TRABD2B: variants seen among roughly 807,000 people sequenced by gnomAD.
TRABD2B encodes the protein metalloprotease TIKI2.
Under a neutral mutation model 40.1 loss-of-function variants are expected in TRABD2B, and 14 were observed. The ratio of observed to expected loss-of-function variants is 0.35; its 90% CI spans 0.23 to 0.55. The LOEUF is 0.55. Ranked by LOEUF, TRABD2B falls within the 20% of genes least tolerant of loss-of-function variation. The pLI is 0.90. For missense variants in TRABD2B, 541 were observed against 648.6 expected, an observed-to-expected ratio of 0.83 and a Z score of 1.80; for synonymous variants, 263 against 277.0, an observed-to-expected ratio of 0.95 and a Z score of 0.50.
At chr1:47,976,487 T>C (rs982575146) in intron 2 of TRABD2B, among the ~76,000 whole-genome samples, 15 of 152,172 alleles carry the variant, frequency 9.9e-5, no homozygotes, top group African/African-American at 3.4e-4. Flanking sequence ...GTGCTAGACA[T>C]AGTAGGTGCT....
At chr1:47,895,519 C>T (rs117095691) in intron 2 of TRABD2B, among the ~76,000 whole-genome samples, 1 of 152,276 alleles carries the variant, frequency 6.6e-6, no homozygotes, top group East Asian at 1.9e-4. Flanking sequence ...GGTCAGGTTG[C>T]CCTCAGGTCT....
intron 2 of TRABD2B, among the ~76,000 whole-genome samples, chr1:47,824,568 T>C (rs1645151052): frequency 6.6e-6 from 1 of 152,204 alleles, no homozygotes; most frequent in African/African-American, 2.4e-5. Flanking sequence ...CAAACCCATG[T>C]CTGCCTGACT....
intron 5 of TRABD2B, among the ~76,000 whole-genome samples, chr1:47,776,293 G>A (rs1557557718): frequency 6.6e-6 from 1 of 152,186 alleles, no homozygotes; most frequent in East Asian, 1.9e-4. Context: ...TGGGTCCACA[G>A]CCCGGCTCCA....
chr1:47,904,002 C>A (rs1199521158), intron 2 of TRABD2B, among the ~76,000 whole-genome samples: 1 of 152,142 alleles, frequency 6.6e-6, no homozygotes, highest in Non-Finnish European at 1.5e-5. Context: ...TTGGGCCAGG[C>A]CCTATGTGAT....
At chr1:47,968,874 G>A (rs1033246902) in intron 2 of TRABD2B, among the ~76,000 whole-genome samples, 7 of 152,292 alleles carry the variant, frequency 4.6e-5, no homozygotes, top group African/African-American at 1.4e-4. Context: ...TTGGGGTTGC[G>A]ATTTCAGTAC....
chr1:47,990,767 G>A (rs1291116502), intron 2 of TRABD2B, among the ~76,000 whole-genome samples: 1 of 66,640 alleles, frequency 1.5e-5, no homozygotes, highest in Non-Finnish European at 2.8e-5. Flanking sequence ...TTAAAACGTT[G>A]GTTTTATATA....
chr1:47,952,925 C>A (rs560263219), intron 2 of TRABD2B, among the ~76,000 whole-genome samples: 2 of 152,138 alleles, frequency 1.3e-5, no homozygotes. Context: ...GAGGAAGGTG[C>A]GGGTCTCCTC....
chr1:47,896,013 C>T (rs552783366), intron 2 of TRABD2B, among the ~76,000 whole-genome samples: 1 of 152,346 alleles, frequency 6.6e-6, no homozygotes, highest in East Asian at 1.9e-4. Context: ...GGGCATGGTG[C>T]CCAGCACTGG....
chr1:47,940,159 C>A (rs936854981), intron 2 of TRABD2B, among the ~76,000 whole-genome samples: 1 of 152,186 alleles, frequency 6.6e-6, no homozygotes, highest in Non-Finnish European at 1.5e-5. Context: ...GCCCTTAGAC[C>A]CCTTCTCTGT....
intron 2 of TRABD2B, among the ~76,000 whole-genome samples, chr1:47,855,717 T>G (rs940502335): frequency 6.6e-6 from 1 of 152,178 alleles, no homozygotes; most frequent in Non-Finnish European, 1.5e-5. Flanking sequence ...GGTAATCAGG[T>G]CATGAAGGTG....
chr1:47,869,794 G>A (rs896815156), intron 2 of TRABD2B, among the ~76,000 whole-genome samples: 1 of 152,184 alleles, frequency 6.6e-6, no homozygotes, highest in Non-Finnish European at 1.5e-5. Context: ...CCAATCACAT[G>A]CGGTTTGGGA....
Position 47,857,372 on chromosome 1 carries a change from C to T in TRABD2B, c.667-55753G>A, listed in dbSNP as rs116215862. 9.6e-4 allele frequency among the ~76,000 whole-genome samples: 146 copies of T among 152,226 alleles called. 1 individual carries two copies. Among genetic ancestry groups the T allele is most frequent in the African/African-American group, 3.2e-3 (134 of 41,536 alleles). On this transcript the variant is annotated intron_variant, in intron 2 of 6. Transcript: ENST00000606738. ...GTGCTCCTGTTTAGGCACAATGAGC[C>T]GGGCCAGCCACCGTTGCTGCATTAG...
chr1:47,899,481 C>T (rs1002898087), intron 2 of TRABD2B, among the ~76,000 whole-genome samples: 1 of 152,222 alleles, frequency 6.6e-6, no homozygotes, highest in Admixed American at 6.5e-5. Context: ...TGGCCCACTC[C>T]ATTACATACA....
chr1:47,954,551 TG>T (rs1473520190), intron 2 of TRABD2B, among the ~76,000 whole-genome samples: 1 of 152,056 alleles, frequency 6.6e-6, no homozygotes, highest in Admixed American at 6.5e-5. Context: ...ACTAAAATGG[TG>T]CTTGGGACAG....
intron 2 of TRABD2B, among the ~76,000 whole-genome samples, chr1:47,832,121 AG>A (rs1223430740): frequency 6.6e-6 from 1 of 152,212 alleles, no homozygotes; most frequent in Non-Finnish European, 1.5e-5. Flanking sequence ...TCACGAGGTC[AG>A]GAGATCGAGA....
At position 47,760,896 on chromosome 1, in the gene TRABD2B, A is replaced by C. The variant is rs1644237339; in HGVS notation, c.*5006T>G. ...CCCTTTGTCCCTGGCAGCTCACCGG[A>C]AACATCTTAGACTTGGATCCCGTTC... On this transcript the variant is annotated 3_prime_UTR_variant, in exon 7 of 7. Transcript: ENST00000606738. 6.6e-6 allele frequency: 1 copy of C among 152,240 alleles called. No homozygotes were observed. The highest frequency in any genetic ancestry group is 2.4e-5 in the African/African-American group (1 of 41,458). 9.4% of individuals were successfully genotyped at this position (152,240 alleles called of 1,614,324 possible).
rs1271575502 is a variant in TRABD2B, at chr1:47,856,243, T to C, written c.667-54624A>G. On this transcript the variant is annotated intron_variant, in intron 2 of 6. Transcript: ENST00000606738. Reference sequence around the variant, plus strand: ...CCAGGCACCCCTTCCACACACACTGTGGAGTGCTTCCTGACCCTACTTTGG... The same window carrying C: ...CCAGGCACCCCTTCCACACACACTGCGGAGTGCTTCCTGACCCTACTTTGG... Among the ~76,000 whole-genome samples, 4 of 152,350 alleles carry C rather than the reference T, an allele frequency of 2.6e-5. No individual in the cohort carries two copies. The East Asian group carries it at 7.7e-4, about 29-fold the overall frequency.
In TRABD2B at chr1:47,773,298, T is replaced by C. The variant is rs1336113258; in HGVS notation, c.1349+1872A>G. ...ACGAAAGTGGCTCTCAGTAACTCTA[T>C]GCCCTCACTCCCGATTAGAAGGGGG... On this transcript the variant is annotated intron_variant, in intron 6 of 6. Transcript: ENST00000606738. Among the ~76,000 whole-genome samples the C allele has an allele frequency of 3.9e-5, 6 of 152,360 alleles. No homozygotes were observed. In the East Asian group the frequency reaches 1.2e-3, roughly 29 times the overall value.
chr1:47,990,629 C>G (rs1215643209), intron 2 of TRABD2B, among the ~76,000 whole-genome samples: 2 of 151,314 alleles, frequency 1.3e-5, no homozygotes, highest in Non-Finnish European at 3.0e-5. Context: ...CATCAACAAC[C>G]TCCCACAGGT....
Sources: gnomAD v4.1 joint callset for allele counts (sites outside exome capture counted in the v4.1 genomes callset) on GRCh38, gnomAD v4.1.1 for gene constraint, MANE v1.5 for transcripts, NCBI Gene and HGNC (gene_info 2026-07-23, HGNC 2026-07-21) for gene names.